The following ATP10A variants were observed in gnomAD, a reference collection of about 807,000 sequenced individuals.
The protein encoded by ATP10A is phospholipid-transporting ATPase VA.
ATP10A carries 111 observed loss-of-function variants against 147.8 expected under a neutral mutation model. That is an observed-to-expected ratio of 0.75 (90% confidence interval 0.64 to 0.88). ATP10A has a LOEUF of 0.88. Among genes scored for constraint, ATP10A ranks in the 40% least tolerant of loss-of-function variants. The probability of loss-of-function intolerance (pLI) is 0.00; values close to 1 mark genes in which losing one functional copy is unlikely to be tolerated. For missense variants in ATP10A, 1,927 were observed against 1,959.0 expected, an observed-to-expected ratio of 0.98 and a Z score of 0.31; for synonymous variants, 875 against 841.6, an observed-to-expected ratio of 1.04 and a Z score of -0.69.
intron 2 of ATP10A, among the ~76,000 whole-genome samples, chr15:25,740,868 G>C (rs1479171021): frequency 6.6e-6 from 1 of 152,152 alleles, no homozygotes; most frequent in Non-Finnish European, 1.5e-5. Context: ...CTCTGCTCAG[G>C]GTCACTGCGC....
intron 1 of ATP10A, among the ~76,000 whole-genome samples, chr15:25,846,370 G>A (rs565393122): frequency 2.6e-5 from 4 of 152,290 alleles, no homozygotes; most frequent in East Asian, 1.9e-4. Flanking sequence ...GATAGAACAC[G>A]CTTAAGGTTA....
At chr15:25,771,303 C>T (rs554440275) in intron 2 of ATP10A, among the ~76,000 whole-genome samples, 2 of 152,260 alleles carry the variant, frequency 1.3e-5, no homozygotes, top group East Asian at 3.9e-4. Flanking sequence ...GGCACGGCAG[C>T]TCACGCCTAT....
At chr15:25,727,966 CA>C (rs1902684770) in intron 3 of ATP10A, among the ~76,000 whole-genome samples, 1 of 152,186 alleles carries the variant, frequency 6.6e-6, no homozygotes, top group African/African-American at 2.4e-5. Context: ...GGGGCCAGAG[CA>C]CAGGTCACAG....
At chr15:25,863,981 C>A (rs936312778), upstream of ATP10A, among the ~76,000 whole-genome samples, 21 of 152,164 alleles carry the variant, frequency 1.4e-4, no homozygotes, top group Non-Finnish European at 2.6e-4. Flanking sequence ...AAATATATCG[C>A]TATAGCAAAG....
At chr15:25,758,613 CCTAA>C (rs764617135) in intron 2 of ATP10A, among the ~76,000 whole-genome samples, 1 of 58,558 alleles carries the variant, frequency 1.7e-5, no homozygotes, top group African/African-American at 8.6e-5. Context: ...CCTGCTCCAC[CCTAA>C]CTCATTCCGA....
downstream of ATP10A, chr15:25,678,036 A>C (rs556197250): frequency 6.6e-6 from 1 of 152,370 alleles, no homozygotes; most frequent in African/African-American, 2.4e-5. Context: ...CTCAGGACAA[A>C]GCTGTCCCTG....
chr15:25,827,527 A>G (rs1006841567), intron 1 of ATP10A, among the ~76,000 whole-genome samples: 4 of 152,244 alleles, frequency 2.6e-5, no homozygotes, highest in Admixed American at 1.3e-4. Flanking sequence ...TGGTGGGGCT[A>G]CATATGAACA....
chr15:25,799,974 T>C (rs895637964), intron 1 of ATP10A, among the ~76,000 whole-genome samples: 2 of 152,154 alleles, frequency 1.3e-5, no homozygotes, highest in Non-Finnish European at 2.9e-5. Flanking sequence ...TATTGATGGA[T>C]ACCTCCAACT....
At chr15:25,711,252 G>A (rs989576242) in intron 10 of ATP10A, among the ~76,000 whole-genome samples, 8 of 152,106 alleles carry the variant, frequency 5.3e-5, no homozygotes, top group African/African-American at 1.9e-4. Context: ...CCTCTGAAGA[G>A]GGCATCAGAT....
chr15:25,804,455 T>G (rs891707750), intron 1 of ATP10A, among the ~76,000 whole-genome samples: 1 of 134,700 alleles, frequency 7.4e-6, no homozygotes, highest in South Asian at 2.2e-4. Flanking sequence ...TCTGTGTGCA[T>G]GGTGTGTGTG....
At chr15:25,806,506 G>A (rs1213722157) in intron 1 of ATP10A, among the ~76,000 whole-genome samples, 5 of 151,998 alleles carry the variant, frequency 3.3e-5, no homozygotes, top group Non-Finnish European at 7.4e-5. Flanking sequence ...TAGAGACGGG[G>A]TTTCACGGTG....
At chr15:25,818,461 A>G (rs1431699615) in intron 1 of ATP10A, among the ~76,000 whole-genome samples, 3 of 152,218 alleles carry the variant, frequency 2.0e-5, no homozygotes, top group Non-Finnish European at 2.9e-5. Flanking sequence ...TGACACAAAC[A>G]TGGAAAACAT....
rs768380574 is a variant in ATP10A at position 25,679,991 on chromosome 15, A to G, written c.3867-17T>C. 1.0e-5 allele frequency: 16 copies of G among 1,589,552 alleles called. No individual in the cohort carries two copies. The highest frequency in any genetic ancestry group is 1.4e-5 in the Non-Finnish European group (16 of 1,163,020). ...AAAAACAATCTAGAAAAAGTACATTAAAACAAAAAGTTAGATATTCCTGTC... is the reference window on the plus strand; with the variant it reads ...AAAAACAATCTAGAAAAAGTACATTGAAACAAAAAGTTAGATATTCCTGTC... On this transcript the variant is annotated splice_polypyrimidine_tract_variant and intron_variant, in intron 20 of 20. Coordinates refer to ENST00000555815, the MANE Select transcript of ATP10A (RefSeq NM_024490.4).
At chr15:25,739,921 C>T (rs1887490474) in intron 2 of ATP10A, among the ~76,000 whole-genome samples, 2 of 152,142 alleles carry the variant, frequency 1.3e-5, no homozygotes, top group Admixed American at 6.5e-5. Flanking sequence ...TGCTAGAGAC[C>T]GCAGCAGCAG....
In ATP10A at chr15:25,680,210, G is replaced by A. The variant is rs1298290288; in HGVS notation, c.3777C>T (p.Ser1259=). The change falls in exon 20 of 21, where the codon TCC becomes TCT. Residue 1259 remains serine (S), a synonymous_variant. Transcript: ENST00000555815. ...AGGCTTGCATAGTCCAGTAAGGGTT[G>A]GACGGAGGATAGCACGTGGCACAAG... is the stretch of plus-strand genomic sequence containing the variant. ...NASCATCYPP[S]NPYWTMQALL... 6.2e-7 allele frequency: 1 copy of A among 1,614,108 alleles called. No homozygotes were observed.
At chr15:25,705,454 C>CCA (rs1900926099) in intron 12 of ATP10A, among the ~76,000 whole-genome samples, 1 of 82,002 alleles carries the variant, frequency 1.2e-5, no homozygotes, top group Non-Finnish European at 2.7e-5. Flanking sequence ...AAAAAAAAAA[C>CCA]AAAAAAAAAA....
chr15:25,689,853 G>A (rs1026015485), intron 15 of ATP10A, among the ~76,000 whole-genome samples: 1 of 152,176 alleles, frequency 6.6e-6, no homozygotes, highest in Non-Finnish European at 1.5e-5. Flanking sequence ...GGCAGCTCCG[G>A]CCCCTCCCCA....
At chr15:25,847,532 G>C (rs74004312) in intron 1 of ATP10A, among the ~76,000 whole-genome samples, 22,902 of 148,270 alleles carry the variant, frequency 0.15, 3,945 homozygotes, top group African/African-American at 0.43. Context: ...ATCTTTGCGG[G>C]TCACGGGGTC....
intron 3 of ATP10A, 65 bp downstream of exon 3, chr15:25,735,991 T>C: frequency 7.5e-7 from 1 of 1,334,456 alleles, no homozygotes; most frequent in Admixed American, 1.7e-5. Context: ...ACTGAGAATG[T>C]GTAAACACCT....
Sources: gnomAD v4.1 joint callset for allele counts (sites outside exome capture counted in the v4.1 genomes callset) on GRCh38, gnomAD v4.1.1 for gene constraint, MANE v1.5 for transcripts, NCBI Gene and HGNC (gene_info 2026-07-23, HGNC 2026-07-21) for gene names.